ASXL1: variants seen among roughly 807,000 people sequenced by gnomAD.
ASXL1 encodes the protein polycomb group protein ASXL1.
In ASXL1, 65 loss-of-function variants were observed where a neutral mutation model predicts 89.1. That is an observed-to-expected ratio of 0.73 (90% CI 0.60 to 0.90). The LOEUF (loss-of-function observed/expected upper bound fraction) is 0.90, where lower values mean the gene tolerates loss of function less well. Ranked by LOEUF, ASXL1 falls within the 40% of genes least tolerant of loss-of-function variation. The pLI, the probability that ASXL1 is intolerant of heterozygous loss-of-function variation, is 0.00. For synonymous variants in ASXL1, 739 were observed against 746.9 expected, an observed-to-expected ratio of 0.99 and a Z score of 0.17; for missense variants, 1,786 against 1,942.9, an observed-to-expected ratio of 0.92 and a Z score of 1.52.
In ASXL1 at chr20:32,438,168, T is replaced by A. The variant is rs2012037586; in HGVS notation, c.*830T>A. 8.6e-6 allele frequency: 2 copies of A among 233,500 alleles called. No homozygotes were observed. The highest frequency in any genetic ancestry group is 3.6e-4 in the South Asian group (2 of 5,534). The allele number at this position is 233,500 out of a possible 1,614,324, so 14.5% of individuals were successfully genotyped here. A position where few individuals can be genotyped will look rare whatever the true frequency, so the allele number is the denominator to read the frequency against. Reference sequence around the variant, plus strand: ...GCACCTGTGTATGTGAAAGTCATTTTACATTTCAAAGCAGTGTGTGTTTCT... The same window carrying A: ...GCACCTGTGTATGTGAAAGTCATTTAACATTTCAAAGCAGTGTGTGTTTCT... On this transcript the variant is annotated 3_prime_UTR_variant, in exon 13 of 13. Transcript: ENST00000375687.
rs984648436 is a variant in ASXL1 at position 32,434,501 on chromosome 20, A to C, written c.1789A>C (p.Ile597Leu). Residue 597 changes from isoleucine to leucine, a missense_variant, in exon 13 of 13, where the codon ATC becomes CTC. Transcript: ENST00000375687. ...GQPTYQICPR[I>L]IPTTESSCRG... ...GCCCACTTACCAGATATGCCCCCGG[A>C]TCATCCCCACCACGGAGTCCTCCTG... 6.2e-6 allele frequency: 10 copies of C among 1,613,944 alleles called. No homozygotes were observed. Among genetic ancestry groups the C allele is most frequent in the Non-Finnish European group, 7.6e-6 (9 of 1,180,040 alleles).
chr20:32,387,937 T>C (rs1213348428), intron 4 of ASXL1, among the ~76,000 whole-genome samples: 1 of 152,232 alleles, frequency 6.6e-6, no homozygotes, highest in Non-Finnish European at 1.5e-5. Context: ...TTTAAGTTGC[T>C]TAAATCAGAA....
In ASXL1 at chr20:32,435,557, G is replaced by A. The variant is rs2145374130; in HGVS notation, c.2845G>A (p.Gly949Ser). 3 of 1,614,064 alleles carry A rather than the reference G, an allele frequency of 1.9e-6. No individual in the cohort carries two copies. Among genetic ancestry groups the A allele is most frequent in the Non-Finnish European group, 2.5e-6 (3 of 1,180,040 alleles). Residue 949 changes from glycine (G) to serine (S), a missense_variant, in exon 13 of 13, where the codon GGT (glycine) becomes AGT (serine). This residue lies in a region of ASXL1 where 1,418 missense variants were observed against 1,427.8 expected (regional missense o/e 0.99). Coordinates refer to ENST00000375687, the MANE Select transcript of ASXL1 (RefSeq NM_015338.6). Reference sequence around the variant, plus strand: ...GCCTGGGGATTTGACAGCTGAGGAGGGTCTAGATCCTCTTGACAGCCTTAC... The same window carrying A: ...GCCTGGGGATTTGACAGCTGAGGAGAGTCTAGATCCTCTTGACAGCCTTAC... ...ALPGDLTAEEGLDPLDSLTSL... is the reference protein window; with the variant it reads ...ALPGDLTAEESLDPLDSLTSL...
At chr20:32,380,191 A>C (rs1259987147) in intron 4 of ASXL1, among the ~76,000 whole-genome samples, 1 of 152,136 alleles carries the variant, frequency 6.6e-6, no homozygotes, top group Non-Finnish European at 1.5e-5. Context: ...CTGAGGCAGG[A>C]GAATCCCTTG....
intron 1 of ASXL1, 41 bp downstream of exon 1, chr20:32,358,873 T>TGG (rs781330454): frequency 3.3e-6 from 2 of 614,732 alleles, no homozygotes; most frequent in African/African-American, 2.1e-5. Flanking sequence ...GGGCCCGGGG[T>TGG]GGGGGGGGCT....
chr20:32,393,278 A>G (rs918888175), intron 4 of ASXL1, among the ~76,000 whole-genome samples: 2 of 152,148 alleles, frequency 1.3e-5, no homozygotes, highest in African/African-American at 4.8e-5. Flanking sequence ...TTTGTCTCAT[A>G]ATATAGCTAC....
intron 4 of ASXL1, among the ~76,000 whole-genome samples, chr20:32,421,187 TAACA>T (rs2049240565): frequency 6.6e-6 from 1 of 150,808 alleles, no homozygotes; most frequent in South Asian, 2.1e-4. Flanking sequence ...TATGCTTATG[TAACA>T]AACCTGCACA....
chr20:32,396,435 C>T (rs1264149542), intron 4 of ASXL1, among the ~76,000 whole-genome samples: 3 of 152,090 alleles, frequency 2.0e-5, no homozygotes, highest in Admixed American at 2.0e-4. Flanking sequence ...TTAGGTGGGG[C>T]GTATCCTTTC....
intron 4 of ASXL1, among the ~76,000 whole-genome samples, chr20:32,406,532 C>A (rs1400604724): frequency 6.6e-6 from 1 of 152,218 alleles, no homozygotes; most frequent in Non-Finnish European, 1.5e-5. Flanking sequence ...GCCAGAGCTA[C>A]TGAGTGAGAC....
At chr20:32,425,140 C>T (rs1347206122) in intron 4 of ASXL1, among the ~76,000 whole-genome samples, 1 of 152,210 alleles carries the variant, frequency 6.6e-6, no homozygotes, top group Admixed American at 6.5e-5. Context: ...TTGTATCTGG[C>T]TTTCATTCAC....
intron 4 of ASXL1, among the ~76,000 whole-genome samples, chr20:32,393,070 T>C (rs2048701067): frequency 6.6e-6 from 1 of 152,216 alleles, no homozygotes; most frequent in Non-Finnish European, 1.5e-5. Flanking sequence ...ATCTCAATTC[T>C]GTTTTGCTTG....
intron 4 of ASXL1, among the ~76,000 whole-genome samples, chr20:32,406,347 A>G (rs1443304180): frequency 6.6e-6 from 1 of 152,002 alleles, no homozygotes; most frequent in Non-Finnish European, 1.5e-5. Flanking sequence ...CAGGCGTTCT[A>G]GATCAGCCTG....
chr20:32,361,186 A>G (rs1379312866), intron 1 of ASXL1, among the ~76,000 whole-genome samples: 1 of 152,200 alleles, frequency 6.6e-6, no homozygotes, highest in Non-Finnish European at 1.5e-5. Flanking sequence ...CTCTACAACA[A>G]CAGCAACAAA....
chr20:32,421,106 A>G (rs926382594), intron 4 of ASXL1, among the ~76,000 whole-genome samples: 1 of 151,896 alleles, frequency 6.6e-6, no homozygotes, highest in Non-Finnish European at 1.5e-5. Flanking sequence ...ATTAGGAAAA[A>G]TACCTAATGC....
intron 6 of ASXL1, chr20:32,428,652 CTTTTTTTTTTTTTTTTT>C (rs35966674): frequency 6.8e-6 from 1 of 146,486 alleles, no homozygotes; most frequent in Admixed American, 1.3e-4. Context: ...TTTGTTCATT[CTTTTTTTTTTTTTTTTT>C]TTTTTTTTTT....
chr20:32,359,645 A>G (rs1304067691), intron 1 of ASXL1: 29 of 716,266 alleles, frequency 4.0e-5, no homozygotes, highest in African/African-American at 7.0e-5. Context: ...CAAAGAATGT[A>G]TGTTGGACAA....
intron 1 of ASXL1, among the ~76,000 whole-genome samples, chr20:32,361,973 G>T (rs926163808): frequency 6.6e-6 from 1 of 150,642 alleles, no homozygotes; most frequent in Non-Finnish European, 1.5e-5. Context: ...GGAGGCTGAG[G>T]CAGGAGAATC....
chr20:32,401,561 C>CCCT (rs796953849), intron 4 of ASXL1, among the ~76,000 whole-genome samples: 28 of 137,930 alleles, frequency 2.0e-4, no homozygotes, highest in African/African-American at 8.1e-4. Flanking sequence ...CCCCCCCCCC[C>CCCT]TTTTTTTTTT....
chr20:32,396,766 A>T (rs1351840014), intron 4 of ASXL1, among the ~76,000 whole-genome samples: 3 of 152,016 alleles, frequency 2.0e-5, no homozygotes, highest in East Asian at 1.9e-4. Context: ...AATATAAAAA[A>T]TTTTTTTGAG....
Sources: allele counts gnomAD v4.1 joint callset (sites outside exome capture counted in the v4.1 genomes callset), GRCh38; gene constraint gnomAD v4.1.1; regional missense constraint gnomAD v4.1.1; transcripts MANE v1.5; gene names NCBI Gene and HGNC (gene_info 2026-07-23, HGNC 2026-07-21).